CHKA: variants seen among roughly 807,000 people sequenced by gnomAD.
The protein encoded by CHKA is CHETK-alpha.
A neutral mutation model predicts 60.1 loss-of-function variants in CHKA; 34 were observed. The ratio of observed to expected loss-of-function variants is 0.57; its 90% CI spans 0.43 to 0.75. CHKA has a LOEUF of 0.75. CHKA is among the 30% of genes least tolerant of loss of function. CHKA has a pLI of 0.00. For missense variants in CHKA, 563 were observed against 561.3 expected (o/e 1.00, Z -0.03); for synonymous variants, 217 against 223.1 (o/e 0.97, Z 0.24).
At chr11:68,060,029 A>ATTTTTTTTT (rs1856167830) in intron 11 of CHKA, among the ~76,000 whole-genome samples, 1 of 96,852 alleles carries the variant, frequency 1.0e-5, no homozygotes, top group African/African-American at 4.3e-5. Flanking sequence ...ATAGAGTTTC[A>ATTTTTTTTT]CTCTTTTTTT....
At chr11:68,118,770 G>C (rs957719335) in intron 1 of CHKA, among the ~76,000 whole-genome samples, 15 of 152,200 alleles carry the variant, frequency 9.9e-5, no homozygotes, top group Non-Finnish European at 1.6e-4. Flanking sequence ...TTCCAAGACT[G>C]CTAACTCCTG....
At chr11:68,105,633 G>T (rs998346918) in intron 1 of CHKA, among the ~76,000 whole-genome samples, 5 of 151,680 alleles carry the variant, frequency 3.3e-5, no homozygotes, top group Non-Finnish European at 7.4e-5. Context: ...TTTTAGCAAC[G>T]GGGATATTTT....
chr11:68,074,974 A>T (rs1856740905), intron 3 of CHKA, 144 bp from the exon 4 acceptor site: 1 of 704,022 alleles, frequency 1.4e-6, no homozygotes, highest in African/African-American at 1.8e-5. Flanking sequence ...CCCCATTTTA[A>T]ATATGAAGAA....
intron 11 of CHKA, among the ~76,000 whole-genome samples, chr11:68,059,331 T>G (rs751346875): frequency 1.3e-5 from 2 of 152,210 alleles, no homozygotes; most frequent in African/African-American, 4.8e-5. Flanking sequence ...TCATACGGTT[T>G]TTCACCTTCA....
intron 1 of CHKA, among the ~76,000 whole-genome samples, chr11:68,111,139 C>T (rs905426625): frequency 1.3e-5 from 2 of 151,962 alleles, no homozygotes; most frequent in East Asian, 1.9e-4. Flanking sequence ...AGGCCAGGCG[C>T]GGTGGCTCAT....
Position 68,058,363 on chromosome 11 carries a change from A to G in CHKA, c.1314+3590T>C, listed in dbSNP as rs190152278. ...ATCAGCATGTCAATTTCTACACAGA[A>G]GCCTGTGGGGGTTTTGATTAGGCCT... On this transcript the variant is annotated intron_variant, in intron 11 of 11. Coordinates refer to ENST00000265689, the MANE Select transcript of CHKA (RefSeq NM_001277.3). Among the ~76,000 whole-genome samples, 225 of 152,352 alleles carry G rather than the reference A, an allele frequency of 1.5e-3. 1 individual carries two copies. The highest frequency in any genetic ancestry group is 4.8e-3 in the African/African-American group (198 of 41,578).
intron 2 of CHKA, among the ~76,000 whole-genome samples, chr11:68,091,340 G>A (rs887333779): frequency 1.3e-5 from 2 of 152,098 alleles, no homozygotes; most frequent in Admixed American, 6.5e-5. Context: ...TAAAACAGAC[G>A]CTAAATTATA....
At chr11:68,113,081 CAAAAAAAAAAAAAAAAAA>C (rs71040587) in intron 1 of CHKA, among the ~76,000 whole-genome samples, 1 of 14,530 alleles carries the variant, frequency 6.9e-5, no homozygotes, top group Non-Finnish European at 1.4e-4. Flanking sequence ...GACTCCGTCT[CAAAAAAAAAAAAAAAAAA>C]AAAAAAAAAA....
Position 68,053,911 on chromosome 11 carries a change from T to C in CHKA, c.*77A>G. 8.1e-7 allele frequency: 1 copy of C among 1,233,612 alleles called. No homozygotes were observed. Among genetic ancestry groups the C allele is most frequent in the Admixed American group, 1.8e-5 (1 of 55,220 alleles). 76.4% of individuals were successfully genotyped at this position (1,233,612 alleles called of 1,614,324 possible). On this transcript the variant is annotated 3_prime_UTR_variant, in exon 12 of 12. Coordinates refer to ENST00000265689, the MANE Select transcript of CHKA (RefSeq NM_001277.3). ...AAGCCTCCTGCCACAGGAGCAGTAG[T>C]CGAAGCACAGAGGGGACCCCGCTCT...
intron 1 of CHKA, among the ~76,000 whole-genome samples, chr11:68,102,099 CAA>C (rs199998491): frequency 4.3e-5 from 4 of 94,040 alleles, no homozygotes; most frequent in African/African-American, 1.3e-4. Flanking sequence ...GACTCTGTCT[CAA>C]AAAAAAAAAA....
At chr11:68,075,862 T>C (rs1432718188) in intron 3 of CHKA, among the ~76,000 whole-genome samples, 1 of 152,164 alleles carries the variant, frequency 6.6e-6, no homozygotes, top group African/African-American at 2.4e-5. Flanking sequence ...AGCAGGGCTG[T>C]TTTGAAAAAG....
In CHKA at chr11:68,053,793, TAGTG is replaced by T. The variant is rs560030964; in HGVS notation, c.*191_*194del. The T allele has an allele frequency of 6.1e-5, 32 of 524,940 alleles. 1 individual carries two copies. The South Asian group carries it at 8.1e-4, about 13-fold the overall frequency. 32.5% of individuals were successfully genotyped at this position (524,940 alleles called of 1,614,324 possible). A position where few individuals can be genotyped will look rare whatever the true frequency, so the allele number is the denominator to read the frequency against. On this transcript the variant is annotated 3_prime_UTR_variant, in exon 12 of 12. Transcript: ENST00000265689. Reference sequence around the variant, plus strand: ...GCTTCCCGATCTCGTTTCTGAGTCCTAGTGAAATCGTAAACAAGAGATGAAATAA... The same window carrying T: ...GCTTCCCGATCTCGTTTCTGAGTCCTAAATCGTAAACAAGAGATGAAATAA...
At chr11:68,112,078 A>AT (rs71040585) in intron 1 of CHKA, among the ~76,000 whole-genome samples, 6 of 113,324 alleles carry the variant, frequency 5.3e-5, no homozygotes, top group Admixed American at 2.9e-4. Flanking sequence ...AAAAAAAAAA[A>AT]GTCCTGGAAC....
chr11:68,085,142 T>C (rs920438655), intron 2 of CHKA, among the ~76,000 whole-genome samples: 1 of 152,102 alleles, frequency 6.6e-6, no homozygotes, highest in Non-Finnish European at 1.5e-5. Context: ...GCCTGTGATG[T>C]AGGAAACAAA....
At chr11:68,065,167 G>C (rs1016423072) in intron 9 of CHKA, among the ~76,000 whole-genome samples, 11 of 152,148 alleles carry the variant, frequency 7.2e-5, no homozygotes, top group Non-Finnish European at 1.6e-4. Context: ...AGTGTGAAAT[G>C]AATAGAAAAA....
chr11:68,054,508 TAAG>T (rs780444877), intron 11 of CHKA, among the ~76,000 whole-genome samples: 3 of 152,138 alleles, frequency 2.0e-5, no homozygotes, highest in Non-Finnish European at 2.9e-5. Flanking sequence ...GCATGACTTT[TAAG>T]AAGGACACTG....
chr11:68,099,011 G>A (rs1468965332), intron 1 of CHKA, among the ~76,000 whole-genome samples: 1 of 152,124 alleles, frequency 6.6e-6, no homozygotes, highest in East Asian at 1.9e-4. Flanking sequence ...AAAAAAGTAT[G>A]AAGTACTGAT....
rs545537154 is a variant in CHKA, at chr11:68,082,855, G to C, written c.463-1398C>G. On this transcript the variant is annotated intron_variant, in intron 2 of 11. Transcript: ENST00000265689. ...GGGGATTTATGATATTTTCATTTGTGTAATCTGCAGTTCTCTGATGAAAAG... is the reference window on the plus strand; with the variant it reads ...GGGGATTTATGATATTTTCATTTGTCTAATCTGCAGTTCTCTGATGAAAAG... Among the ~76,000 whole-genome samples the C allele has an allele frequency of 2.6e-5, 4 of 152,320 alleles. No individual in the cohort carries two copies. The East Asian group carries it at 7.7e-4, about 29-fold the overall frequency.
At chr11:68,062,577 A>C (rs1419800380) in intron 10 of CHKA, among the ~76,000 whole-genome samples, 1 of 152,216 alleles carries the variant, frequency 6.6e-6, no homozygotes, top group African/African-American at 2.4e-5. Context: ...TCTAAGCTGT[A>C]CCAAGCCCCC....
Sources: gnomAD v4.1 joint callset for allele counts (sites outside exome capture counted in the v4.1 genomes callset) on GRCh38, gnomAD v4.1.1 for gene constraint, MANE v1.5 for transcripts, NCBI Gene and HGNC (gene_info 2026-07-23, HGNC 2026-07-21) for gene names.